SLC7A6: variants seen among roughly 807,000 people sequenced by gnomAD.
SLC7A6 encodes Y+L amino acid transporter 2.
A neutral mutation model predicts 46.6 loss-of-function variants in SLC7A6; 29 were observed. That is an observed-to-expected ratio of 0.62 (90% CI 0.46 to 0.85). SLC7A6 has a LOEUF of 0.85. Among genes scored for constraint, SLC7A6 ranks in the 40% least tolerant of loss-of-function variants. The pLI, the probability that SLC7A6 is intolerant of heterozygous loss-of-function variation, is 0.00. For missense variants in SLC7A6, 527 were observed against 647.6 expected, an observed-to-expected ratio of 0.81 and a Z score of 2.02; for synonymous variants, 276 against 257.3, an observed-to-expected ratio of 1.07 and a Z score of -0.70.
At position 68,300,940 on chromosome 16, in the gene SLC7A6, C is replaced by T; in HGVS notation, c.*3612C>T. The stretch of plus-strand genomic sequence containing the variant: ...GCTAATGAAATGGGAACCTCCCCCT[C>T]CCTTGTGGTTTCAGCACAGAACCTG... On this transcript the variant is annotated 3_prime_UTR_variant, in exon 11 of 11. Transcript: ENST00000219343. 1 of 1,009,940 alleles carries T rather than the reference C, an allele frequency of 9.9e-7. No homozygotes were observed. Among genetic ancestry groups the T allele is most frequent in the Non-Finnish European group, 1.2e-6 (1 of 846,236 alleles). The allele number at this position is 1,009,940 out of a possible 1,614,324, so 62.6% of individuals were successfully genotyped here. A position where few individuals can be genotyped will look rare whatever the true frequency, so the allele number is the denominator to read the frequency against.
intron 2 of SLC7A6, among the ~76,000 whole-genome samples, chr16:68,271,166 ATT>A (rs1329940645): frequency 6.7e-6 from 1 of 149,800 alleles, no homozygotes; most frequent in African/African-American, 2.5e-5. Flanking sequence ...TTCTTATTTC[ATT>A]TTTTTATAGA....
chr16:68,272,605 C>T (rs1167572570), intron 2 of SLC7A6, among the ~76,000 whole-genome samples: 1 of 152,212 alleles, frequency 6.6e-6, no homozygotes, highest in African/African-American at 2.4e-5. Context: ...GGGGCTGTGA[C>T]TGTGCCCCAC....
chr16:68,273,666 C>T (rs1035987019), intron 2 of SLC7A6: 8 of 152,088 alleles, frequency 5.3e-5, no homozygotes, highest in East Asian at 1.9e-4. Context: ...TGTCTTATTA[C>T]GTAACCCTTC....
At chr16:68,283,533 G>A (rs2042867026) in intron 3 of SLC7A6, among the ~76,000 whole-genome samples, 1 of 152,182 alleles carries the variant, frequency 6.6e-6, no homozygotes, top group African/African-American at 2.4e-5. Flanking sequence ...GGCAATGTCA[G>A]CTTTATTTTG....
Position 68,297,140 on chromosome 16 carries a change from C to T in SLC7A6, c.1454-94C>T, listed in dbSNP as rs892455728. 15 of 1,173,354 alleles carry T rather than the reference C, an allele frequency of 1.3e-5. No homozygotes were observed. In the South Asian group the frequency reaches 1.4e-4, roughly 11 times the overall value. 72.7% of individuals were successfully genotyped at this position (1,173,354 alleles called of 1,614,324 possible). ...TATAGGGTACTTAAGGGGCAGGTGG[C>T]GAGGGAGCCATAGATGTTACTAGTC... On this transcript the variant is annotated intron_variant, in intron 10 of 10. Transcript: ENST00000219343.
At chr16:68,286,374 G>A (rs1219425617) in intron 3 of SLC7A6, among the ~76,000 whole-genome samples, 1 of 152,130 alleles carries the variant, frequency 6.6e-6, no homozygotes, top group Non-Finnish European at 1.5e-5. Context: ...GACCTTGACT[G>A]GGAGTTGCTG....
chr16:68,273,382 C>T (rs780579073), intron 2 of SLC7A6, among the ~76,000 whole-genome samples: 4 of 152,034 alleles, frequency 2.6e-5, no homozygotes, highest in Admixed American at 6.5e-5. Context: ...CTAACTGTTA[C>T]GTGGGTGGGA....
chr16:68,296,249 C>A, intron 8 of SLC7A6, 115 bp from the exon 9 acceptor site: 2 of 1,172,516 alleles, frequency 1.7e-6, no homozygotes, highest in Non-Finnish European at 2.5e-6. Context: ...ATGAAAAGAG[C>A]CAGAGGTAAT....
rs1336729462 is a variant in SLC7A6 at position 68,300,877 on chromosome 16, G to A, written c.*3549G>A. 1 of 989,886 alleles carries A rather than the reference G, an allele frequency of 1.0e-6. No individual in the cohort carries two copies. The allele number at this position is 989,886 out of a possible 1,614,324, so 61.3% of individuals were successfully genotyped here. A position where few individuals can be genotyped will look rare whatever the true frequency, so the allele number is the denominator to read the frequency against. ...CAAAAGGAACAGGGTTTTCCTAGAGGCAGGCAGCCTGGTGGTATGGCACAG... is the reference window on the plus strand; with the variant it reads ...CAAAAGGAACAGGGTTTTCCTAGAGACAGGCAGCCTGGTGGTATGGCACAG... On this transcript the variant is annotated 3_prime_UTR_variant, in exon 11 of 11. Transcript: ENST00000219343.
In SLC7A6 at chr16:68,274,845, A is replaced by G. The variant is rs750090317; in HGVS notation, c.119A>G (p.Gln40Arg). 3 of 1,614,106 alleles carry G rather than the reference A, an allele frequency of 1.9e-6. No individual in the cohort carries two copies. In the African/African-American group the frequency reaches 4.0e-5, roughly 22 times the overall value. ...CCTCAAAGGTCCTCCGAAACTATGC[A>G]GCTGAAGAAGGAGATCTCCCTGCTG... ...SPPQRSSETM[Q>R]LKKEISLLNG... Residue 40 changes from glutamine (Q) to arginine (R), a missense_variant, in exon 3 of 11, where the codon CAG (glutamine) becomes CGG (arginine). Coordinates refer to ENST00000219343, the MANE Select transcript of SLC7A6 (RefSeq NM_003983.6).
At chr16:68,295,075 A>T (rs555630935) in intron 8 of SLC7A6, among the ~76,000 whole-genome samples, 7 of 152,194 alleles carry the variant, frequency 4.6e-5, no homozygotes, top group Non-Finnish European at 1.0e-4. Flanking sequence ...TCGCTCACTC[A>T]ACAATCCATT....
At chr16:68,275,975 G>A (rs908595836) in intron 3 of SLC7A6, among the ~76,000 whole-genome samples, 1 of 152,128 alleles carries the variant, frequency 6.6e-6, no homozygotes. Flanking sequence ...TTATTTCCCA[G>A]ATTTTTATCT....
chr16:68,279,666 G>A (rs1404146031), intron 3 of SLC7A6, among the ~76,000 whole-genome samples: 1 of 152,200 alleles, frequency 6.6e-6, no homozygotes, highest in East Asian at 1.9e-4. Context: ...AGCCTCCCAA[G>A]TAGCTGGGAT....
rs1362885760 is a variant in SLC7A6 at position 68,264,568 on chromosome 16, C to T, written c.-174C>T. The T allele has an allele frequency of 6.6e-6, 1 of 152,130 alleles. No homozygotes were observed. The highest frequency in any genetic ancestry group is 1.9e-4 in the South Asian group (1 of 5,310). 9.4% of individuals were successfully genotyped at this position (152,130 alleles called of 1,614,324 possible). A position where few individuals can be genotyped will look rare whatever the true frequency, so the allele number is the denominator to read the frequency against. ...ACCGAGCATCCTGGCGGCGCCGGGCCACTGGGAGGTAACGGGCTGGGCCAT... is the reference window on the plus strand; with the variant it reads ...ACCGAGCATCCTGGCGGCGCCGGGCTACTGGGAGGTAACGGGCTGGGCCAT... On this transcript the variant is annotated 5_prime_UTR_variant, in exon 1 of 11. Coordinates refer to ENST00000219343, the MANE Select transcript of SLC7A6 (RefSeq NM_003983.6). The surrounding 1 kb of genome is among the most constrained non-coding windows in gnomAD (Gnocchi z 5.8).
chr16:68,286,013 T>C (rs939960194), intron 3 of SLC7A6, among the ~76,000 whole-genome samples: 6 of 148,574 alleles, frequency 4.0e-5, no homozygotes, highest in Admixed American at 1.4e-4. Context: ...GGAAGATCAC[T>C]TGAGCCCTGG....
chr16:68,297,980 ACC>A lies in SLC7A6; in HGVS notation c.*653_*654del, dbSNP rs2043204406. On this transcript the variant is annotated 3_prime_UTR_variant, in exon 11 of 11. Coordinates refer to ENST00000219343, the MANE Select transcript of SLC7A6 (RefSeq NM_003983.6). ...GTCTGTGGTATTGGGTCAGACTCTG[ACC>A]ACAGGTTTTATGCTGTTTAGCACAA... 2 of 152,650 alleles carry A rather than the reference ACC, an allele frequency of 1.3e-5. No homozygotes were observed. Among genetic ancestry groups the A allele is most frequent in the African/African-American group, 4.8e-5 (2 of 41,456 alleles). The allele number at this position is 152,650 out of a possible 1,614,324, so 9.5% of individuals were successfully genotyped here.
intron 1 of SLC7A6, among the ~76,000 whole-genome samples, chr16:68,265,216 T>G (rs2042508716): frequency 6.6e-6 from 1 of 152,224 alleles, no homozygotes. Flanking sequence ...CTGCTGGCGC[T>G]GGGGAACCCG....
Position 68,300,582 on chromosome 16 carries a change from T to G in SLC7A6, c.*3254T>G, listed in dbSNP as rs571120042. 6.4e-4 allele frequency: 628 copies of G among 974,066 alleles called. No homozygotes were observed. The highest frequency in any genetic ancestry group is 7.2e-4 in the Non-Finnish European group (587 of 819,578). 60.3% of individuals were successfully genotyped at this position (974,066 alleles called of 1,614,324 possible). A position where few individuals can be genotyped will look rare whatever the true frequency, so the allele number is the denominator to read the frequency against. On this transcript the variant is annotated 3_prime_UTR_variant, in exon 11 of 11. Transcript: ENST00000219343. Reference sequence around the variant, plus strand: ...CACTACCGCTCCCTGTTTTAGATATTCAGATTTAAAAGGTTTTCAAAGAAT... The same window carrying G: ...CACTACCGCTCCCTGTTTTAGATATGCAGATTTAAAAGGTTTTCAAAGAAT...
At chr16:68,291,182 G>A (rs1007828943) in intron 5 of SLC7A6, 27 bp from the exon 6 acceptor site, 2 of 1,614,152 alleles carry the variant, frequency 1.2e-6, no homozygotes, top group African/African-American at 1.3e-5. Context: ...TTGGTTCTAG[G>A]TAGTCCTTTC....
Sources: gnomAD v4.1 joint callset for allele counts (sites outside exome capture counted in the v4.1 genomes callset) on GRCh38, gnomAD v4.1.1 for gene constraint, Gnocchi (gnomAD v3.1) non-coding constraint, MANE v1.5 for transcripts, NCBI Gene and HGNC (gene_info 2026-07-23, HGNC 2026-07-21) for gene names.